Variants in MAST4 observed in about 807,000 individuals in gnomAD.
The protein encoded by MAST4 is microtubule associated serine/threonine kinase family member 4, also known as microtubule-associated serine/threonine-protein kinase 4.
A neutral mutation model predicts 162.7 loss-of-function variants in MAST4; 89 were observed. That is an observed-to-expected ratio of 0.55 (90% CI 0.46 to 0.65). The LOEUF (loss-of-function observed/expected upper bound fraction) is 0.65, where lower values mean the gene tolerates loss of function less well. Among genes scored for constraint, MAST4 ranks in the 30% least tolerant of loss-of-function variants. MAST4 has a pLI of 0.00. For synonymous variants in MAST4, 1,479 were observed against 1,361.1 expected (o/e 1.09, Z -1.91); for missense variants, 3,153 against 3,374.0 (o/e 0.93, Z 1.62).
intron 3 of MAST4, among the ~76,000 whole-genome samples, chr5:66,842,606 G>A (rs988262409): frequency 6.6e-5 from 10 of 152,042 alleles, no homozygotes; most frequent in Admixed American, 5.9e-4. Flanking sequence ...TACTTGCTTT[G>A]AAATTATTTT....
intron 2 of MAST4, among the ~76,000 whole-genome samples, chr5:66,762,248 C>T (rs1289114209): frequency 6.7e-6 from 1 of 148,774 alleles, no homozygotes; most frequent in African/African-American, 2.5e-5. Context: ...TTTAATAGTC[C>T]TTAGAAGAGC....
intron 5 of MAST4, among the ~76,000 whole-genome samples, chr5:67,071,273 A>G (rs1397865875): frequency 6.6e-6 from 1 of 152,164 alleles, no homozygotes; most frequent in Non-Finnish European, 1.5e-5. Context: ...AATAAAATAA[A>G]ATAATTGCTA....
rs187440817 is a variant in MAST4 at position 67,040,529 on chromosome 5, C to G, written c.675-13875C>G. Among the ~76,000 whole-genome samples the G allele has an allele frequency of 4.5e-4, 69 of 152,288 alleles. 1 individual carries two copies. The highest frequency in any genetic ancestry group is 9.6e-4 in the Non-Finnish European group (65 of 68,034). On this transcript the variant is annotated intron_variant, in intron 4 of 28. Transcript: ENST00000403625. The stretch of plus-strand genomic sequence containing the variant: ...TGTATCCTGGGATAAAACTCATGCC[C>G]CACTTGGTGATACTGGACTGTCTGT...
chr5:66,788,614 A>G (rs1755230115), intron 2 of MAST4, 56 bp from the exon 3 acceptor site: 1 of 1,403,604 alleles, frequency 7.1e-7, no homozygotes, highest in Non-Finnish European at 9.6e-7. Flanking sequence ...CCCCATTGCA[A>G]TAAGACTACT....
rs542108812 is a variant in MAST4, at chr5:67,072,266, G to A, written c.763+17774G>A. On this transcript the variant is annotated intron_variant, in intron 5 of 28. Transcript: ENST00000403625. ...TTTGGGATTCTAAGAGTGCTGATTA[G>A]TTTAATATTATAAACACTGTTAATA... Among the ~76,000 whole-genome samples, 70 of 152,288 alleles carry A rather than the reference G, an allele frequency of 4.6e-4. 1 individual carries two copies. Among genetic ancestry groups the A allele is most frequent in the East Asian group, 1.9e-4 (1 of 5,184 alleles).
intron 4 of MAST4, chr5:66,917,162 G>A (rs1459652196): frequency 1.1e-5 from 6 of 548,898 alleles, no homozygotes; most frequent in Non-Finnish European, 2.0e-5. Context: ...ATTACCCCTG[G>A]TCATTACTTT....
chr5:67,086,981 G>A (rs915268592), intron 5 of MAST4, among the ~76,000 whole-genome samples: 2 of 152,206 alleles, frequency 1.3e-5, no homozygotes, highest in African/African-American at 4.8e-5. Flanking sequence ...CAGAGACTGA[G>A]TAGGAGTCAA....
At chr5:67,110,908 C>T (rs1332112581) in intron 11 of MAST4, among the ~76,000 whole-genome samples, 1 of 152,152 alleles carries the variant, frequency 6.6e-6, no homozygotes, top group East Asian at 1.9e-4. Context: ...CCTGTAATCC[C>T]AGCTACTTGG....
intron 3 of MAST4, among the ~76,000 whole-genome samples, chr5:66,838,582 T>C (rs1475687923): frequency 6.6e-6 from 1 of 152,160 alleles, no homozygotes; most frequent in Non-Finnish European, 1.5e-5. Context: ...AAATAGCAAA[T>C]GCTACAACTA....
At chr5:66,689,961 C>T (rs1197768218) in intron 1 of MAST4, among the ~76,000 whole-genome samples, 5 of 152,112 alleles carry the variant, frequency 3.3e-5, no homozygotes, top group Non-Finnish European at 4.4e-5. Context: ...GACTTGGCCT[C>T]CTCTATTGGA....
chr5:66,791,637 A>G (rs1455634086), intron 3 of MAST4, among the ~76,000 whole-genome samples: 2 of 152,218 alleles, frequency 1.3e-5, no homozygotes, highest in Non-Finnish European at 2.9e-5. Flanking sequence ...CTGGCATATA[A>G]CAAGTCACAA....
At chr5:67,136,170 C>G (rs992498921) in intron 18 of MAST4, among the ~76,000 whole-genome samples, 7 of 152,242 alleles carry the variant, frequency 4.6e-5, no homozygotes, top group African/African-American at 1.7e-4. Flanking sequence ...CTGAGATAAT[C>G]CCTGGATGGA....
intron 1 of MAST4, among the ~76,000 whole-genome samples, chr5:66,739,622 A>G (rs1323970382): frequency 8.5e-5 from 13 of 152,166 alleles, no homozygotes; most frequent in Non-Finnish European, 2.9e-5. Flanking sequence ...GTATAAGTAG[A>G]TGTTTATTCC....
At chr5:66,934,081 A>G (rs1580927475) in intron 4 of MAST4, among the ~76,000 whole-genome samples, 1 of 152,326 alleles carries the variant, frequency 6.6e-6, no homozygotes, top group East Asian at 1.9e-4. Flanking sequence ...AATAAATACA[A>G]CATAATTGCA....
chr5:67,061,246 A>G (rs1179747440), intron 5 of MAST4, among the ~76,000 whole-genome samples: 2 of 152,206 alleles, frequency 1.3e-5, no homozygotes, highest in African/African-American at 4.8e-5. Context: ...CAAATAGTAC[A>G]GTGTTGAAGA....
chr5:67,144,760 C>T lies in MAST4; in HGVS notation c.2822C>T (p.Thr941Ile). ...ACCAAAAGCACCACCTTGCCATCCACAGAAACACTGAGCTGGAGTTCAGAA... is the reference window on the plus strand; with the variant it reads ...ACCAAAAGCACCACCTTGCCATCCATAGAAACACTGAGCTGGAGTTCAGAA... ...DKTKSTTLPS[T>I]ETLSWSSEYS... Residue 941 changes from threonine (T) to isoleucine (I), a missense_variant, in exon 22 of 29, where the codon ACA becomes ATA. Thr to Ile is a moderately conservative substitution (Grantham distance 89). Around this residue, in one of 7 missense-constraint regions of MAST4, gnomAD observed 619 missense variants for 744.2 expected, o/e 0.83. Transcript: ENST00000403625. The T allele has an allele frequency of 1.2e-6, 2 of 1,613,316 alleles. No individual in the cohort carries two copies. Among genetic ancestry groups the T allele is most frequent in the Non-Finnish European group, 1.7e-6 (2 of 1,179,494 alleles).
At chr5:66,648,081 T>TGAGA (rs1186334483) in intron 1 of MAST4, among the ~76,000 whole-genome samples, 9 of 102,460 alleles carry the variant, frequency 8.8e-5, no homozygotes, top group East Asian at 2.8e-4. Context: ...TGTGTGTGTG[T>TGAGA]GTGAGAGAGA....
At chr5:67,069,287 GATATATATAT>G (rs6149054) in intron 5 of MAST4, among the ~76,000 whole-genome samples, 18 of 107,646 alleles carry the variant, frequency 1.7e-4, no homozygotes, top group African/African-American at 4.1e-5. Context: ...GAGGAGATTG[GATATATATAT>G]ATATATATAT....
At chr5:66,957,539 T>G (rs570657560) in intron 4 of MAST4, among the ~76,000 whole-genome samples, 1 of 152,200 alleles carries the variant, frequency 6.6e-6, no homozygotes, top group Admixed American at 6.5e-5. Context: ...CTCTGTGGAG[T>G]CAGTGACTAT....
Sources: gnomAD v4.1 joint callset for allele counts (sites outside exome capture counted in the v4.1 genomes callset) on GRCh38, gnomAD v4.1.1 for gene constraint, gnomAD v4.1.1 regional missense constraint, MANE v1.5 for transcripts, NCBI Gene and HGNC (gene_info 2026-07-23, HGNC 2026-07-21) for gene names.